Variants in CHSY3 observed in about 807,000 individuals in gnomAD.
CHSY3 encodes the protein chondroitin sulfate synthase 3, also known as N-acetylgalactosaminyl-proteoglycan 3-beta-glucuronosyltransferase 3.
Under a neutral mutation model 67.2 loss-of-function variants are expected in CHSY3, and 35 were observed. The observed-to-expected ratio is 0.52, with a 90% CI of 0.40 to 0.69. The LOEUF is 0.69. CHSY3 is among the 30% of genes least tolerant of loss of function. The pLI is 0.00. For missense variants in CHSY3, 1,069 were observed against 1,138.5 expected (o/e 0.94, Z 0.88); for synonymous variants, 474 against 434.7 (o/e 1.09, Z -1.12).
chr5:130,032,315 T>C (rs1394908400), intron 2 of CHSY3, among the ~76,000 whole-genome samples: 3 of 152,218 alleles, frequency 2.0e-5, no homozygotes, highest in Non-Finnish European at 2.9e-5. Context: ...ATAGTGTTCA[T>C]AGCACTTAGA....
chr5:130,185,416 A>G lies in CHSY3; in HGVS notation c.2274A>G (p.Gly758=). 6.2e-7 allele frequency: 1 copy of G among 1,613,642 alleles called. No individual in the cohort carries two copies. The highest frequency in any genetic ancestry group is 1.3e-5 in the African/African-American group (1 of 75,042). ...ATGACCCAAAGGTAACAAACGGGGGAAATCCTCCCACTGATGATTACTTCA... is the reference window on the plus strand; with the variant it reads ...ATGACCCAAAGGTAACAAACGGGGGGAATCCTCCCACTGATGATTACTTCA... ...SQYDPKVTNG[G]NPPTDDYFIF... The change falls in exon 3 of 3, where the codon GGA becomes GGG. Residue 758 remains glycine, a synonymous_variant. Coordinates refer to ENST00000305031, the MANE Select transcript of CHSY3 (RefSeq NM_175856.5).
intron 2 of CHSY3, among the ~76,000 whole-genome samples, chr5:129,985,727 A>G (rs550462821): frequency 6.6e-6 from 1 of 152,158 alleles, no homozygotes; most frequent in South Asian, 2.1e-4. Flanking sequence ...ATTAGTATTG[A>G]ACTGATCTTT....
chr5:130,143,750 A>G (rs1245254726), intron 2 of CHSY3, among the ~76,000 whole-genome samples: 4 of 120,004 alleles, frequency 3.3e-5, no homozygotes, highest in African/African-American at 1.5e-4. Context: ...ATATATATAT[A>G]TATATATGTG....
chr5:130,090,415 C>A (rs566439679), intron 2 of CHSY3, among the ~76,000 whole-genome samples: 175 of 152,274 alleles, frequency 1.1e-3, no homozygotes, highest in African/African-American at 4.1e-3. Flanking sequence ...GCTACCAGTG[C>A]TTCCACACTA....
chr5:130,173,892 C>A (rs573104380), intron 2 of CHSY3, among the ~76,000 whole-genome samples: 17 of 151,544 alleles, frequency 1.1e-4, no homozygotes, highest in Admixed American at 1.1e-3. Context: ...AAGAATCTTA[C>A]TTTTAATATC....
At chr5:129,994,097 A>G (rs939075686) in intron 2 of CHSY3, among the ~76,000 whole-genome samples, 1 of 152,058 alleles carries the variant, frequency 6.6e-6, no homozygotes, top group Non-Finnish European at 1.5e-5. Flanking sequence ...AGTGTGATGG[A>G]CTTCCCCTTG....
At chr5:130,021,630 T>A (rs866879596) in intron 2 of CHSY3, among the ~76,000 whole-genome samples, 23 of 152,160 alleles carry the variant, frequency 1.5e-4, no homozygotes, top group African/African-American at 5.3e-4. Flanking sequence ...AAAAGTTTAT[T>A]CTGTCAAATC....
intron 2 of CHSY3, among the ~76,000 whole-genome samples, chr5:130,178,175 ATATG>A (rs1770111804): frequency 1.6e-5 from 2 of 128,878 alleles, no homozygotes; most frequent in Admixed American, 8.0e-5. Context: ...ATATGTATAT[ATATG>A]TGTGTGTGTA....
intron 2 of CHSY3, among the ~76,000 whole-genome samples, chr5:130,090,372 G>A (rs944189857): frequency 6.6e-6 from 1 of 152,068 alleles, no homozygotes; most frequent in Non-Finnish European, 1.5e-5. Context: ...CCTCTAGTGG[G>A]CTCCCTACAA....
chr5:130,045,747 C>T (rs915557582), intron 2 of CHSY3, among the ~76,000 whole-genome samples: 1 of 152,072 alleles, frequency 6.6e-6, no homozygotes, highest in African/African-American at 2.4e-5. Flanking sequence ...TTGAGTCCTA[C>T]CCAATCAGTA....
intron 2 of CHSY3, among the ~76,000 whole-genome samples, chr5:130,085,514 G>C (rs929262307): frequency 4.6e-5 from 7 of 151,780 alleles, no homozygotes; most frequent in African/African-American, 1.7e-4. Flanking sequence ...TTCTTTATTA[G>C]TCTTGCTAGC....
At chr5:130,082,672 T>C (rs942238481) in intron 2 of CHSY3, among the ~76,000 whole-genome samples, 2 of 151,972 alleles carry the variant, frequency 1.3e-5, no homozygotes, top group Admixed American at 1.3e-4. Flanking sequence ...AAAGGTTATG[T>C]ATGGTTAAGT....
chr5:129,989,262 C>CTTT (rs10632773), intron 2 of CHSY3, among the ~76,000 whole-genome samples: 45,952 of 138,096 alleles, frequency 0.33, 7,995 homozygotes, highest in South Asian at 0.44. Flanking sequence ...CAAACTTGTT[C>CTTT]TTTTTTTTTT....
chr5:130,012,670 G>C (rs769273609), intron 2 of CHSY3, among the ~76,000 whole-genome samples: 23 of 152,138 alleles, frequency 1.5e-4, no homozygotes, highest in Non-Finnish European at 3.1e-4. Flanking sequence ...CACCATGGGG[G>C]AACTGCCCCC....
intron 2 of CHSY3, among the ~76,000 whole-genome samples, chr5:130,113,812 CA>C (rs1401837961): frequency 2.0e-5 from 3 of 152,106 alleles, no homozygotes; most frequent in Admixed American, 2.0e-4. Flanking sequence ...CTATATTCTA[CA>C]AAAATATGCT....
intron 2 of CHSY3, among the ~76,000 whole-genome samples, chr5:129,945,473 G>A (rs540551112): frequency 1.2e-3 from 178 of 151,796 alleles, no homozygotes; most frequent in South Asian, 3.9e-3. Flanking sequence ...AATTTTTAAA[G>A]TTTTAATATA....
intron 2 of CHSY3, among the ~76,000 whole-genome samples, chr5:130,046,745 A>T (rs2149668639): frequency 6.6e-6 from 1 of 152,222 alleles, no homozygotes; most frequent in East Asian, 1.9e-4. Context: ...ATTTTTACAG[A>T]TACCTTGCAT....
At chr5:130,148,258 CA>C (rs1561559384) in intron 2 of CHSY3, among the ~76,000 whole-genome samples, 2 of 152,168 alleles carry the variant, frequency 1.3e-5, no homozygotes, top group African/African-American at 2.4e-5. Flanking sequence ...CATAGTATTC[CA>C]TGGTGTATAT....
rs77871568 is a variant in CHSY3 at position 130,117,077 on chromosome 5, G to T, written c.1087-67152G>T. Reference sequence around the variant, plus strand: ...AATCTCTTGTCACCCAGGTGAAGTTGGATGGGAGCATGCCATGGAGAACAC... The same window carrying T: ...AATCTCTTGTCACCCAGGTGAAGTTTGATGGGAGCATGCCATGGAGAACAC... On this transcript the variant is annotated intron_variant, in intron 2 of 2. Coordinates refer to ENST00000305031, the MANE Select transcript of CHSY3 (RefSeq NM_175856.5). 7.5e-3 allele frequency among the ~76,000 whole-genome samples: 1,135 copies of T among 152,242 alleles called. 16 individuals are homozygous for T. Among genetic ancestry groups the T allele is most frequent in the African/African-American group, 0.026 (1,087 of 41,526 alleles).
Sources: allele counts gnomAD v4.1 joint callset (sites outside exome capture counted in the v4.1 genomes callset), GRCh38; gene constraint gnomAD v4.1.1; transcripts MANE v1.5; gene names NCBI Gene and HGNC (gene_info 2026-07-23, HGNC 2026-07-21).